TARP: variants seen among roughly 807,000 people sequenced by gnomAD.
chr7:38,262,121 G>A, the TARP span: 3 of 1,502,450 alleles, frequency 2.0e-6, no homozygotes, highest in South Asian at 3.4e-5. Flanking sequence ...TCAAGCCAGA[G>A]AAGTTCAAAA....
the TARP span, among the ~76,000 whole-genome samples, chr7:38,270,546 C>A: frequency 1.3e-5 from 2 of 151,624 alleles, no homozygotes; most frequent in South Asian, 4.2e-4. Context: ...AACTTATTTG[C>A]CTTCCAAGTT....
the TARP span, among the ~76,000 whole-genome samples, chr7:38,268,791 G>T: frequency 2.0e-5 from 3 of 151,622 alleles, no homozygotes; most frequent in Admixed American, 2.0e-4. Flanking sequence ...CATTTGAGCA[G>T]TTAGAAGTAC....
chr7:38,266,072 G>C, the TARP span, among the ~76,000 whole-genome samples: 1 of 150,984 alleles, frequency 6.6e-6, no homozygotes, highest in Non-Finnish European at 1.5e-5. Flanking sequence ...GGTTTTCAAG[G>C]TGGATGGCAG....
At chr7:38,263,102 T>C in the TARP span, among the ~76,000 whole-genome samples, 4 of 151,744 alleles carry the variant, frequency 2.6e-5, no homozygotes, top group African/African-American at 4.8e-5. Context: ...CAAGTACCCA[T>C]GATTTTCTGG....
chr7:38,270,615 G>C, the TARP span, among the ~76,000 whole-genome samples: 2 of 151,564 alleles, frequency 1.3e-5, no homozygotes, highest in Non-Finnish European at 2.9e-5. Flanking sequence ...AGTCCAGCTT[G>C]AAACACCTGG....
the TARP span, among the ~76,000 whole-genome samples, chr7:38,262,373 A>T: frequency 6.6e-6 from 1 of 151,828 alleles, no homozygotes; most frequent in East Asian, 1.9e-4. Flanking sequence ...CTGTGTAATT[A>T]GGTAGATCTA....
chr7:38,261,123 C>T, the TARP span, among the ~76,000 whole-genome samples: 1 of 151,684 alleles, frequency 6.6e-6, no homozygotes, highest in African/African-American at 2.4e-5. Context: ...AGGTCACTTA[C>T]ACCTAATCAT....
the TARP span, among the ~76,000 whole-genome samples, chr7:38,268,390 T>C: frequency 8.0e-4 from 121 of 151,756 alleles, 1 homozygote; most frequent in East Asian, 0.015. Context: ...TACATATGGA[T>C]ATTTATTTAA....
chr7:38,260,870 A>T, the TARP span, among the ~76,000 whole-genome samples: 13 of 151,802 alleles, frequency 8.6e-5, no homozygotes, highest in Admixed American at 8.6e-4. Flanking sequence ...TGGCAGCCTA[A>T]GTCAGAGCCC....
chr7:38,260,776 T>G, the TARP span, among the ~76,000 whole-genome samples: 1 of 151,562 alleles, frequency 6.6e-6, no homozygotes, highest in African/African-American at 2.4e-5. Flanking sequence ...CAGTCCTTGG[T>G]GTGGAAAAGG....
the TARP span, among the ~76,000 whole-genome samples, chr7:38,262,703 G>C: frequency 6.6e-6 from 1 of 151,380 alleles, no homozygotes; most frequent in Non-Finnish European, 1.5e-5. Flanking sequence ...CTGGAGTGGA[G>C]TATAGTACGG....
the TARP span, among the ~76,000 whole-genome samples, chr7:38,260,729 A>G: frequency 1.3e-5 from 2 of 151,844 alleles, no homozygotes; most frequent in African/African-American, 2.4e-5. Flanking sequence ...TTCCATTTAT[A>G]TGTTTTGTCT....
the TARP span, among the ~76,000 whole-genome samples, chr7:38,270,099 C>T: frequency 6.6e-6 from 1 of 151,800 alleles, no homozygotes; most frequent in Non-Finnish European, 1.5e-5. Flanking sequence ...AAGACCCTGC[C>T]TCAAAAATAA....
chr7:38,260,089 T>C, the TARP span: 1 of 1,581,426 alleles, frequency 6.3e-7, no homozygotes, highest in Non-Finnish European at 8.6e-7. Context: ...CACCGTCTGT[T>C]ATGATTTCTC....
chr7:38,272,002 T>A, the TARP span, among the ~76,000 whole-genome samples: 7 of 151,372 alleles, frequency 4.6e-5, no homozygotes, highest in African/African-American at 1.7e-4. Context: ...AAAATACATA[T>A]TTTCTTAAAC....
At chr7:38,262,254 G>A in the TARP span, 14 of 1,277,906 alleles carry the variant, frequency 1.1e-5, no homozygotes, top group East Asian at 2.5e-5. Flanking sequence ...TCAATTGTTC[G>A]TGTGTGTGTG....
At chr7:38,270,667 G>T in the TARP span, among the ~76,000 whole-genome samples, 4 of 151,262 alleles carry the variant, frequency 2.6e-5, no homozygotes, top group Non-Finnish European at 5.9e-5. Flanking sequence ...AAGGCAAGAG[G>T]CCTGGTCCTC....
At chr7:38,266,129 G>A in the TARP span, among the ~76,000 whole-genome samples, 7 of 151,582 alleles carry the variant, frequency 4.6e-5, no homozygotes, top group Non-Finnish European at 8.8e-5. Context: ...CTACAGATGA[G>A]ACTCTTTGGT....
the TARP span, among the ~76,000 whole-genome samples, chr7:38,272,589 G>A: frequency 1.4e-5 from 2 of 146,396 alleles, no homozygotes; most frequent in South Asian, 2.2e-4. Flanking sequence ...TGTGATGAGG[G>A]TCAATATCAA....
Sources: gnomAD v4.1 joint callset for allele counts (sites outside exome capture counted in the v4.1 genomes callset) on GRCh38, gnomAD v4.1.1 for gene constraint, MANE v1.5 for transcripts.